Variants in DAB1 observed in about 807,000 individuals in gnomAD.
DAB1 encodes the protein disabled homolog 1.
Under a neutral mutation model 64.6 loss-of-function variants are expected in DAB1, and 15 were observed. The ratio of observed to expected loss-of-function variants is 0.23; its 90% CI spans 0.16 to 0.36. The LOEUF is 0.36. Among genes scored for constraint, DAB1 ranks in the 10% least tolerant of loss-of-function variants. The pLI, the probability that DAB1 is intolerant of heterozygous loss-of-function variation, is 1.00. For synonymous variants in DAB1, 235 were observed against 251.9 expected (o/e 0.93, Z 0.64); for missense variants, 596 against 706.7 (o/e 0.84, Z 1.78).
intron 1 of DAB1, among the ~76,000 whole-genome samples, chr1:57,851,493 T>A (rs1653522958): frequency 6.6e-6 from 1 of 152,186 alleles, no homozygotes; most frequent in Admixed American, 6.5e-5. Flanking sequence ...AGAGAAGACC[T>A]CAGGCTATCT....
intron 5 of DAB1, among the ~76,000 whole-genome samples, chr1:57,941,415 G>T (rs1471281117): frequency 6.6e-6 from 1 of 152,144 alleles, no homozygotes; most frequent in Non-Finnish European, 1.5e-5. Context: ...TGTTAAAAAG[G>T]CATATTAATA....
intron 6 of DAB1, among the ~76,000 whole-genome samples, chr1:57,737,511 G>A (rs1006187506): frequency 1.3e-5 from 2 of 152,164 alleles, no homozygotes; most frequent in African/African-American, 4.8e-5. Flanking sequence ...TATTGTGAGG[G>A]TTAAATGAGT....
intron 8 of DAB1, among the ~76,000 whole-genome samples, chr1:57,068,787 TTC>T (rs1651176973): frequency 6.6e-6 from 1 of 152,206 alleles, no homozygotes; most frequent in Non-Finnish European, 1.5e-5. Context: ...GCTACTCGGC[TTC>T]TCTCTCTGAG....
chr1:57,866,219 A>G (rs552238175), intron 1 of DAB1: 1 of 152,418 alleles, frequency 6.6e-6, no homozygotes, highest in Non-Finnish European at 1.5e-5. Flanking sequence ...TTAGCTGTAC[A>G]TTAATGCCAA....
At chr1:57,003,682 A>G (rs185548461) in intron 14 of DAB1, among the ~76,000 whole-genome samples, 68 of 152,224 alleles carry the variant, frequency 4.5e-4, no homozygotes, top group African/African-American at 1.6e-3. Context: ...CCATTAAGCA[A>G]TTAACTCCCC....
chr1:58,471,172 C>A (rs754678030), intron 3 of DAB1, among the ~76,000 whole-genome samples: 4 of 152,102 alleles, frequency 2.6e-5, no homozygotes, highest in Non-Finnish European at 5.9e-5. Context: ...TCCTAGCAAC[C>A]CAGTGCCACT....
chr1:57,888,143 A>G (rs1644253719), upstream of DAB1, among the ~76,000 whole-genome samples: 1 of 152,150 alleles, frequency 6.6e-6, no homozygotes, highest in Non-Finnish European at 1.5e-5. Context: ...CTAATTTGAA[A>G]TGTTTTCTTT....
At chr1:57,150,949 A>C (rs937902141) in intron 2 of DAB1, among the ~76,000 whole-genome samples, 18 of 152,146 alleles carry the variant, frequency 1.2e-4, no homozygotes, top group African/African-American at 4.1e-4. Flanking sequence ...TGAGCCCAGC[A>C]GTTTGAAACC....
chr1:58,079,646 G>A (rs61260652), intron 5 of DAB1, among the ~76,000 whole-genome samples: 5 of 146,154 alleles, frequency 3.4e-5, no homozygotes, highest in African/African-American at 5.0e-5. Context: ...TCAGCCTCCC[G>A]AGTAGCTGGG....
chr1:57,333,751 T>C (rs1032987426), intron 1 of DAB1, among the ~76,000 whole-genome samples: 14 of 152,220 alleles, frequency 9.2e-5, no homozygotes, highest in Admixed American at 7.9e-4. Context: ...TAATATCTAT[T>C]AACTGCTTAG....
chr1:58,087,427 T>A (rs141653300), intron 5 of DAB1, among the ~76,000 whole-genome samples: 9 of 152,346 alleles, frequency 5.9e-5, no homozygotes, highest in African/African-American at 2.2e-4. Context: ...CTCATTATAC[T>A]CCTATTAGGT....
chr1:57,223,124 G>T (rs1667005805), intron 2 of DAB1, among the ~76,000 whole-genome samples: 1 of 152,074 alleles, frequency 6.6e-6, no homozygotes, highest in Non-Finnish European at 1.5e-5. Flanking sequence ...ACTTCCTTTT[G>T]CCGCCAAAAT....
intron 3 of DAB1, among the ~76,000 whole-genome samples, chr1:58,361,101 C>T (rs1644159649): frequency 6.6e-6 from 1 of 152,206 alleles, no homozygotes; most frequent in Non-Finnish European, 1.5e-5. Context: ...TGAAACACTG[C>T]AGACACTGAA....
At chr1:57,065,048 G>A (rs17114921) in intron 8 of DAB1, among the ~76,000 whole-genome samples, 1,630 of 152,234 alleles carry the variant, frequency 0.011, 26 homozygotes, top group African/African-American at 0.031. Context: ...CAGTTGAACC[G>A]CAGCTGCCTC....
chr1:57,623,286 C>T (rs1314582475), intron 7 of DAB1, among the ~76,000 whole-genome samples: 2 of 152,116 alleles, frequency 1.3e-5, no homozygotes, highest in South Asian at 4.1e-4. Context: ...TTAACTCATA[C>T]GCCCCTGTCT....
intron 6 of DAB1, among the ~76,000 whole-genome samples, chr1:57,764,960 C>T (rs1649245387): frequency 1.3e-5 from 2 of 152,094 alleles, no homozygotes; most frequent in African/African-American, 4.8e-5. Flanking sequence ...TTTAGCCAAA[C>T]CAGATGGAAA....
chr1:58,278,202 C>T (rs1661497910), intron 4 of DAB1, among the ~76,000 whole-genome samples: 1 of 152,134 alleles, frequency 6.6e-6, no homozygotes, highest in Non-Finnish European at 1.5e-5. Context: ...ATAGCGAGCT[C>T]TAATGGTTTT....
At chr1:57,532,638 A>G (rs761049241) in intron 7 of DAB1, among the ~76,000 whole-genome samples, 2 of 152,166 alleles carry the variant, frequency 1.3e-5, no homozygotes, top group African/African-American at 2.4e-5. Flanking sequence ...TATTTACTCC[A>G]TCTTGTAGGA....
intron 4 of DAB1, among the ~76,000 whole-genome samples, chr1:57,101,712 C>T (rs573552771): frequency 6.6e-6 from 1 of 152,354 alleles, no homozygotes; most frequent in South Asian, 2.1e-4. Context: ...ACACCAGGCA[C>T]TCTGCTAGGC....
Sources: allele counts gnomAD v4.1 joint callset (sites outside exome capture counted in the v4.1 genomes callset), GRCh38; gene constraint gnomAD v4.1.1; transcripts MANE v1.5; gene names NCBI Gene and HGNC (gene_info 2026-07-23, HGNC 2026-07-21).